The following MTPN variants were observed in gnomAD, a reference collection of about 807,000 sequenced individuals.
The protein encoded by MTPN is granule cell differentiation protein.
A neutral mutation model predicts 13.5 loss-of-function variants in MTPN; 2 were observed. The ratio of observed to expected loss-of-function variants is 0.15; its 90% confidence interval spans 0.06 to 0.47. The LOEUF (loss-of-function observed/expected upper bound fraction) is 0.47. MTPN is among the 20% of genes least tolerant of loss of function. The pLI, the probability that MTPN is intolerant of heterozygous loss-of-function variation, is 0.97. For synonymous variants in MTPN, 46 were observed against 51.7 expected (o/e 0.89, Z 0.48); for missense variants, 79 against 137.9 (o/e 0.57, Z 2.14).
intron 1 of MTPN, among the ~76,000 whole-genome samples, chr7:135,961,139 G>A (rs1361482076): frequency 1.3e-5 from 2 of 152,000 alleles, no homozygotes; most frequent in African/African-American, 2.4e-5. Flanking sequence ...CCAGAATACC[G>A]AAGTAATAAA....
In MTPN at chr7:135,927,164, G is replaced by T; in HGVS notation, c.*2762C>A. 1 of 803,424 alleles carries T rather than the reference G, an allele frequency of 1.2e-6. No homozygotes were observed. The highest frequency in any genetic ancestry group is 2.6e-5 in the South Asian group (1 of 39,192). 49.8% of individuals were successfully genotyped at this position (803,424 alleles called of 1,614,324 possible). ...AAAAAAAATCAAACAGATACATACA[G>T]ATTTAAAATCCAGTACTTGGGAAAA... On this transcript the variant is annotated 3_prime_UTR_variant, in exon 4 of 4. Coordinates refer to ENST00000393085, the MANE Select transcript of MTPN (RefSeq NM_145808.4).
chr7:135,960,803 TA>T (rs1799509690), intron 1 of MTPN: 1 of 151,606 alleles, frequency 6.6e-6, no homozygotes, highest in Non-Finnish European at 1.5e-5. Context: ...AAACAGTCCA[TA>T]TTTTTTTGGT....
intron 1 of MTPN, among the ~76,000 whole-genome samples, chr7:135,955,439 C>A (rs567300790): frequency 6.6e-6 from 1 of 152,224 alleles, no homozygotes; most frequent in South Asian, 2.1e-4. Context: ...CAACAGATTA[C>A]CTCCCCACAA....
At position 135,930,008 on chromosome 7, in the gene MTPN, G is replaced by T; in HGVS notation, c.275C>A (p.Ala92Asp). The change falls in exon 4 of 4, where the codon GCT becomes GAT. Residue 92 changes from alanine (A) to aspartate (D), a missense_variant. By Grantham distance (126) the Ala-to-Asp change is moderately radical (BLOSUM62 -2). Transcript: ENST00000393085. The part of the protein sequence containing the change: ...SCVKLLLSKG[A>D]DKTVKGPDGL... Reference sequence around the variant, plus strand: ...ATCTGGGCCTTTCACAGTCTTATCAGCACCCTGGAAAAGAGAGGAAAGGGC... The same window carrying T: ...ATCTGGGCCTTTCACAGTCTTATCATCACCCTGGAAAAGAGAGGAAAGGGC... 6.3e-7 allele frequency: 1 copy of T among 1,575,216 alleles called. No individual in the cohort carries two copies.
chr7:135,960,955 G>C (rs2116393236), intron 1 of MTPN: 1 of 152,152 alleles, frequency 6.6e-6, no homozygotes, highest in East Asian at 1.9e-4. Flanking sequence ...TAAACAAACT[G>C]AGGTGCAGGC....
At chr7:135,949,756 AGCT>A (rs761077379) in intron 3 of MTPN, among the ~76,000 whole-genome samples, 11 of 152,202 alleles carry the variant, frequency 7.2e-5, no homozygotes, top group Non-Finnish European at 1.5e-4. Flanking sequence ...TTATAATAAA[AGCT>A]ACTACTTATT....
At chr7:135,968,671 A>G (rs1799642312) in intron 1 of MTPN, among the ~76,000 whole-genome samples, 1 of 151,974 alleles carries the variant, frequency 6.6e-6, no homozygotes, top group Admixed American at 6.6e-5. Context: ...GATGATTCAT[A>G]AAGAATTAAA....
intron 1 of MTPN, among the ~76,000 whole-genome samples, chr7:135,976,710 A>C (rs1276811150): frequency 3.9e-5 from 6 of 152,178 alleles, no homozygotes; most frequent in Admixed American, 3.9e-4. Flanking sequence ...AAGAGGGCCA[A>C]ACTCAAATGA....
Position 135,928,638 on chromosome 7 carries a change from C to A in MTPN, c.*1288G>T. ...ATTTAAGCTTATATATTTTAATTAG[C>A]TGTACTGCTCATGAAATAAATATTT... On this transcript the variant is annotated 3_prime_UTR_variant, in exon 4 of 4. Coordinates refer to ENST00000393085, the MANE Select transcript of MTPN (RefSeq NM_145808.4). The A allele has an allele frequency of 6.0e-6, 1 of 166,876 alleles. No homozygotes were observed. The allele number at this position is 166,876 out of a possible 1,614,324, so 10.3% of individuals were successfully genotyped here.
chr7:135,933,512 CTT>C (rs1457467816), intron 3 of MTPN, among the ~76,000 whole-genome samples: 3 of 152,150 alleles, frequency 2.0e-5, no homozygotes, highest in Non-Finnish European at 2.9e-5. Context: ...TCAAGATTAA[CTT>C]TTATATTCTG....
intron 3 of MTPN, among the ~76,000 whole-genome samples, chr7:135,943,877 T>C (rs1799248832): frequency 1.3e-5 from 2 of 152,246 alleles, no homozygotes; most frequent in East Asian, 1.9e-4. Flanking sequence ...AACAAAATGA[T>C]AGCTTATAAT....
chr7:135,938,628 G>A (rs1311230535), intron 3 of MTPN, among the ~76,000 whole-genome samples: 4 of 152,174 alleles, frequency 2.6e-5, no homozygotes, highest in Non-Finnish European at 4.4e-5. Flanking sequence ...GCATGCTGGT[G>A]TCCTCACTCA....
At chr7:135,941,804 A>G (rs1799214109) in intron 3 of MTPN, among the ~76,000 whole-genome samples, 1 of 152,174 alleles carries the variant, frequency 6.6e-6, no homozygotes, top group African/African-American at 2.4e-5. Context: ...CATCATGGAA[A>G]TAGGATGGGC....
intron 1 of MTPN, among the ~76,000 whole-genome samples, chr7:135,955,794 C>T (rs2116384002): frequency 6.6e-6 from 1 of 151,270 alleles, no homozygotes; most frequent in African/African-American, 2.4e-5. Flanking sequence ...TATAATTTAC[C>T]ATTTTAACAC....
Position 135,927,439 on chromosome 7 carries a change from G to C in MTPN, c.*2487C>G. On this transcript the variant is annotated 3_prime_UTR_variant, in exon 4 of 4. Transcript: ENST00000393085. ...GTACTTGATATAGTGCATATGAAAT[G>C]ACTGATTTAATACAAAACTACAGAA... 4 of 1,535,090 alleles carry C rather than the reference G, an allele frequency of 2.6e-6. No homozygotes were observed. In the South Asian group the frequency reaches 3.7e-5, roughly 14 times the overall value.
intron 1 of MTPN, 105 bp downstream of exon 1, chr7:135,976,924 T>TACAA: frequency 1.1e-5 from 8 of 724,842 alleles, no homozygotes; most frequent in Admixed American, 1.9e-5. Context: ...AGGAAGTCTC[T>TACAA]CCTCCCGCCC....
chr7:135,934,352 C>T (rs1271016602), intron 3 of MTPN, among the ~76,000 whole-genome samples: 1 of 152,208 alleles, frequency 6.6e-6, no homozygotes, highest in South Asian at 2.1e-4. Context: ...GTACACTCCT[C>T]ACCCATATGT....
At chr7:135,972,239 A>G (rs975772247) in intron 1 of MTPN, among the ~76,000 whole-genome samples, 14 of 131,080 alleles carry the variant, frequency 1.1e-4, no homozygotes, top group African/African-American at 3.3e-4. Context: ...GCGCACACAC[A>G]CACACACACA....
intron 1 of MTPN, among the ~76,000 whole-genome samples, chr7:135,960,529 A>G (rs889436800): frequency 6.6e-6 from 1 of 152,038 alleles, no homozygotes; most frequent in East Asian, 1.9e-4. Flanking sequence ...TTTCCCCTTT[A>G]AAGGATAGGT....
Sources: gnomAD v4.1 joint callset for allele counts (sites outside exome capture counted in the v4.1 genomes callset) on GRCh38, gnomAD v4.1.1 for gene constraint, MANE v1.5 for transcripts, NCBI Gene and HGNC (gene_info 2026-07-23, HGNC 2026-07-21) for gene names.